Variants in HAPLN2 observed in about 807,000 individuals in gnomAD.
HAPLN2 encodes brain link protein-1.
Under a neutral mutation model 29.3 loss-of-function variants are expected in HAPLN2, and 27 were observed. The observed-to-expected ratio is 0.92, with a 90% CI of 0.68 to 1.27. HAPLN2 has a LOEUF of 1.27. Ranked by LOEUF, HAPLN2 falls within the 50% of genes most tolerant of loss-of-function variation. The pLI, the probability that HAPLN2 is intolerant of heterozygous loss-of-function variation, is 0.00. For missense variants in HAPLN2, 454 were observed against 484.3 expected (o/e 0.94, Z 0.59); for synonymous variants, 208 against 211.7 (o/e 0.98, Z 0.15).
At chr1:156,622,463 A>G (rs1678261254) in intron 2 of HAPLN2, among the ~76,000 whole-genome samples, 1 of 151,982 alleles carries the variant, frequency 6.6e-6, no homozygotes, top group Non-Finnish European at 1.5e-5. Context: ...CAAAAAAAAA[A>G]AGGTCCGCAG....
At chr1:156,610,924 A>G in the HAPLN2 span, among the ~76,000 whole-genome samples, 2 of 152,246 alleles carry the variant, frequency 1.3e-5, no homozygotes, top group Non-Finnish European at 2.9e-5. Context: ...CTTTTGTTTC[A>G]TAACAAACAT....
At chr1:156,606,346 G>A in the HAPLN2 span, among the ~76,000 whole-genome samples, 2 of 151,562 alleles carry the variant, frequency 1.3e-5, no homozygotes, top group South Asian at 4.2e-4. Flanking sequence ...GGGAGGCTGA[G>A]GTGGGAGAAT....
rs2102534292 is a variant in HAPLN2, at chr1:156,625,040, G to A, written c.740-61G>A. On this transcript the variant is annotated intron_variant, in intron 6 of 6. Coordinates refer to ENST00000255039, the MANE Select transcript of HAPLN2 (RefSeq NM_021817.3). The surrounding 1 kb of genome is among the most constrained non-coding windows in gnomAD (Gnocchi z 5.7). ...TCCCGCACCCCAACTCCGCCTCCTG[G>A]GTGTCAGCCGCCCCTCTCCGCCCAC... 1.3e-6 allele frequency: 2 copies of A among 1,510,400 alleles called. No individual in the cohort carries two copies. The highest frequency in any genetic ancestry group is 1.8e-6 in the Non-Finnish European group (2 of 1,133,966). The allele number at this position is 1,510,400 out of a possible 1,614,324, so 93.6% of individuals were successfully genotyped here.
At chr1:156,602,002 C>T in the HAPLN2 span, among the ~76,000 whole-genome samples, 2 of 151,584 alleles carry the variant, frequency 1.3e-5, no homozygotes, top group South Asian at 2.1e-4. Context: ...GGCGCGATAT[C>T]GACTCACTCA....
At chr1:156,614,365 C>G (rs1327377851), upstream of HAPLN2, among the ~76,000 whole-genome samples, 1 of 152,046 alleles carries the variant, frequency 6.6e-6, no homozygotes, top group African/African-American at 2.4e-5. Context: ...GCTGGGATCA[C>G]AGGCACGCGC....
At chr1:156,615,535 T>A (rs1375265147), upstream of HAPLN2, among the ~76,000 whole-genome samples, 2 of 150,232 alleles carry the variant, frequency 1.3e-5, no homozygotes, top group Non-Finnish European at 2.9e-5. Context: ...CAGTTCTGAG[T>A]CACAGAGACA....
intron 2 of HAPLN2, among the ~76,000 whole-genome samples, chr1:156,621,988 G>A (rs1216819930): frequency 6.6e-6 from 1 of 151,328 alleles, no homozygotes; most frequent in Non-Finnish European, 1.5e-5. Flanking sequence ...TTTAAAGGGG[G>A]GAATAACTAC....
chr1:156,618,305 C>CA (rs57219264), upstream of HAPLN2, among the ~76,000 whole-genome samples: 60,612 of 101,240 alleles, frequency 0.6, 19,106 homozygotes, highest in Non-Finnish European at 0.69. Context: ...GACTCTGTCT[C>CA]AAAAAAAAAA....
At chr1:156,608,573 C>T in the HAPLN2 span, among the ~76,000 whole-genome samples, 1 of 151,762 alleles carries the variant, frequency 6.6e-6, no homozygotes, top group South Asian at 2.1e-4. Flanking sequence ...GACAGAGTCG[C>T]ACTCTGTCAC....
Position 156,623,915 on chromosome 1 carries a change from G to A in HAPLN2, c.194G>A (p.Ser65Asn), listed in dbSNP as rs771471684. The change falls in exon 4 of 7, where the codon AGC (serine) becomes AAC (asparagine). Residue 65 changes from serine (S) to asparagine (N), a missense_variant. By Grantham distance (46) the Ser-to-Asn change is conservative (BLOSUM62 1). Transcript: ENST00000255039. ...LPCVLGTTPPSYKVRWSKVEP... is the reference protein window; with the variant it reads ...LPCVLGTTPPNYKVRWSKVEP... ...TGCGTCCTGGGCACCACGCCTCCCA[G>A]CTACAAGGTGCGCTGGAGCAAGGTG... is the stretch of plus-strand genomic sequence containing the variant. 3 of 1,604,282 alleles carry A rather than the reference G, an allele frequency of 1.9e-6. No individual in the cohort carries two copies. The Admixed American group carries it at 5.1e-5, about 27-fold the overall frequency.
the HAPLN2 span, among the ~76,000 whole-genome samples, chr1:156,612,744 T>C: frequency 6.6e-6 from 1 of 152,194 alleles, no homozygotes. Context: ...CCACTTCATC[T>C]TGGAGTTCAT....
At chr1:156,618,005 G>T (rs1465616657), upstream of HAPLN2, among the ~76,000 whole-genome samples, 1 of 151,918 alleles carries the variant, frequency 6.6e-6, no homozygotes, top group African/African-American at 2.4e-5. Flanking sequence ...TTTTAAAATG[G>T]ACTTAATTAG....
At chr1:156,618,778 CAAAAAAAAAAAAAAA>C (rs67222173), upstream of HAPLN2, among the ~76,000 whole-genome samples, 2 of 41,656 alleles carry the variant, frequency 4.8e-5, no homozygotes, top group Non-Finnish European at 1.1e-4. Context: ...GACTCCGTCT[CAAAAAAAAAAAAAAA>C]AAAAAAAAAA....
chr1:156,613,767 A>G, the HAPLN2 span, among the ~76,000 whole-genome samples: 1 of 151,908 alleles, frequency 6.6e-6, no homozygotes, highest in Admixed American at 6.5e-5. Context: ...AATACAAAAA[A>G]TTAGCTTGGT....
chr1:156,620,927 A>C (rs1678198642), intron 2 of HAPLN2, among the ~76,000 whole-genome samples: 1 of 152,094 alleles, frequency 6.6e-6, no homozygotes, highest in Non-Finnish European at 1.5e-5. Flanking sequence ...TTTATTCCTC[A>C]CAACTACTCA....
intron 3 of HAPLN2, 50 bp from the exon 4 acceptor site, chr1:156,623,757 T>A (rs1678334901): frequency 6.8e-7 from 1 of 1,471,902 alleles, no homozygotes. Flanking sequence ...GATGGGCACT[T>A]GGGGCAGTGA....
chr1:156,614,363 C>T (rs992184964), upstream of HAPLN2, among the ~76,000 whole-genome samples: 18 of 151,762 alleles, frequency 1.2e-4, no homozygotes, highest in Non-Finnish European at 1.8e-4. Flanking sequence ...TAGCTGGGAT[C>T]ACAGGCACGC....
intron 2 of HAPLN2, 59 bp from the exon 3 acceptor site, chr1:156,623,408 T>A: frequency 7.0e-7 from 1 of 1,435,418 alleles, no homozygotes; most frequent in South Asian, 1.2e-5. Flanking sequence ...CCCACAACCC[T>A]GCTCTTCCCC....
At chr1:156,624,543 T>A in intron 5 of HAPLN2, 58 bp from the exon 6 acceptor site, 1 of 1,601,126 alleles carries the variant, frequency 6.2e-7, no homozygotes, top group South Asian at 1.1e-5. Context: ...CCAGGCGAGC[T>A]CAGTCTGGCT....
Sources: allele counts gnomAD v4.1 joint callset (sites outside exome capture counted in the v4.1 genomes callset), GRCh38; gene constraint gnomAD v4.1.1; non-coding constraint Gnocchi (gnomAD v3.1); transcripts MANE v1.5; gene names NCBI Gene and HGNC (gene_info 2026-07-23, HGNC 2026-07-21).